The following ATAD3C variants were observed in gnomAD, a reference collection of about 807,000 sequenced individuals.
ATAD3C encodes the protein ATPase family AAA domain containing 3C.
In ATAD3C, 38 loss-of-function variants were observed where a neutral mutation model predicts 46.3. That is an observed-to-expected ratio of 0.82 (90% CI 0.63 to 1.08). The LOEUF is 1.08. Ranked by LOEUF, ATAD3C falls within the 50% of genes least tolerant of loss-of-function variation. The pLI, the probability that ATAD3C is intolerant of heterozygous loss-of-function variation, is 0.00. For synonymous variants in ATAD3C, 220 were observed against 236.4 expected, an observed-to-expected ratio of 0.93 and a Z score of 0.63; for missense variants, 563 against 572.7, an observed-to-expected ratio of 0.98 and a Z score of 0.17.
At chr1:1,454,561 A>T (rs1217856633) in intron 4 of ATAD3C, 61 bp downstream of exon 4, 5 of 1,562,742 alleles carry the variant, frequency 3.2e-6, no homozygotes, top group Non-Finnish European at 4.3e-6. Flanking sequence ...CTTCTGCCCC[A>T]CGAGCACAGC....
Position 1,455,476 on chromosome 1 carries a change from T to A in ATAD3C, c.395T>A (p.Leu132His). 1 of 1,612,536 alleles carries A rather than the reference T, an allele frequency of 6.2e-7. No homozygotes were observed. The highest frequency in any genetic ancestry group is 1.1e-5 in the South Asian group (1 of 90,930). The change falls in exon 5 of 12, where the codon CTC becomes CAC. Residue 132 changes from leucine (L) to histidine (H), a missense_variant. By Grantham distance (99) the Leu-to-His change is moderately conservative (BLOSUM62 -3). This residue lies in a region of ATAD3C where 263 missense variants were observed against 243.1 expected (regional missense o/e 1.08). Coordinates refer to ENST00000378785, the MANE Select transcript of ATAD3C (RefSeq NM_001039211.3). Reference sequence around the variant, plus strand: ...CCCCTCCAGCAGGTCAGCCGGCGGCTCCTCAGTCGACCCCAGGACGTGCTG... The same window carrying A: ...CCCCTCCAGCAGGTCAGCCGGCGGCACCTCAGTCGACCCCAGGACGTGCTG... ...RHPIQQVSRR[L>H]LSRPQDVLEG...
At position 1,459,518 on chromosome 1, in the gene ATAD3C, G is replaced by A. The variant is rs574149418; in HGVS notation, c.812+287G>A. Among the ~76,000 whole-genome samples the A allele has an allele frequency of 0.012, 1,816 of 151,888 alleles. 48 individuals are homozygous for A. Among genetic ancestry groups the A allele is most frequent in the African/African-American group, 0.042 (1,731 of 41,330 alleles). ...GGTCCCTCTGCCCCTAGGTTTCTGC[G>A]GTCCTGTGCCTGCAAGGGAGGTGGT... On this transcript the variant is annotated intron_variant, in intron 9 of 11. Coordinates refer to ENST00000378785, the MANE Select transcript of ATAD3C (RefSeq NM_001039211.3). The surrounding 1 kb of genome is among the most constrained non-coding windows in gnomAD (Gnocchi z 4.9).
At chr1:1,465,020 G>T (rs1275341333) in intron 11 of ATAD3C, among the ~76,000 whole-genome samples, 1 of 151,218 alleles carries the variant, frequency 6.6e-6, no homozygotes, top group Non-Finnish European at 1.5e-5. Context: ...TGAGTAGCTG[G>T]GATTACAGGC....
At chr1:1,461,820 A>G (rs988257464) in intron 10 of ATAD3C, among the ~76,000 whole-genome samples, 4 of 152,042 alleles carry the variant, frequency 2.6e-5, no homozygotes, top group Non-Finnish European at 5.9e-5. Context: ...GCCTCCCTGC[A>G]GCTGCCACAC....
rs1430855326 is a variant in ATAD3C, at chr1:1,468,504, C to A, written c.1210C>A (p.Pro404Thr). Residue 404 changes from proline to threonine, a missense_variant, in exon 12 of 12, where the codon CCC (proline) becomes ACC (threonine). Pro to Thr is a conservative substitution (Grantham distance 38, BLOSUM62 -1). Coordinates refer to ENST00000378785, the MANE Select transcript of ATAD3C (RefSeq NM_001039211.3). ...CTGGCTGAAGGGGGAGAGGCCTGGG[C>A]CCGAGGACGAGCAACCCTCATCCTG... ...MRWLKGERPG[P>T]EDEQPSS The A allele has an allele frequency of 1.9e-6, 3 of 1,609,122 alleles. No individual in the cohort carries two copies. In the South Asian group the frequency reaches 3.3e-5, roughly 18 times the overall value.
Position 1,460,604 on chromosome 1 carries a change from G to A in ATAD3C, c.813-146G>A, listed in dbSNP as rs577701764. 375 of 1,375,584 alleles carry A rather than the reference G, an allele frequency of 2.7e-4. 4 individuals are homozygous for A. In the East Asian group the frequency reaches 8.8e-3, roughly 32 times the overall value. 85.2% of individuals were successfully genotyped at this position (1,375,584 alleles called of 1,614,324 possible). ...CAGGCGGGTGACCATGGCTGTGGCTGCGTTCTCCCCATGTTTCCTGTGCTC... is the reference window on the plus strand; with the variant it reads ...CAGGCGGGTGACCATGGCTGTGGCTACGTTCTCCCCATGTTTCCTGTGCTC... On this transcript the variant is annotated intron_variant, in intron 9 of 11. Coordinates refer to ENST00000378785, the MANE Select transcript of ATAD3C (RefSeq NM_001039211.3).
chr1:1,455,737 C>T lies in ATAD3C; in HGVS notation c.439-54C>T, dbSNP rs578249055. ...CAGGCATTCTCGCAGCCCCTGCCCC[C>T]GAGGCTTCTGTGGGTGCAGACTGTG... On this transcript the variant is annotated intron_variant, in intron 5 of 11. Coordinates refer to ENST00000378785, the MANE Select transcript of ATAD3C (RefSeq NM_001039211.3). 1.1e-4 allele frequency: 174 copies of T among 1,606,874 alleles called. 1 individual carries two copies. Among genetic ancestry groups the T allele is most frequent in the African/African-American group, 2.5e-4 (19 of 74,740 alleles).
In ATAD3C at chr1:1,459,258, C is replaced by G. The variant is rs770541714; in HGVS notation, c.812+27C>G. On this transcript the variant is annotated intron_variant, in intron 9 of 11. Transcript: ENST00000378785. The surrounding 1 kb of genome is among the most constrained non-coding windows in gnomAD (Gnocchi z 4.9). ...TGAGGGAGCCCCTCGGGTCCTGGGC[C>G]CCCGGGCAGGGCTGTGCAGCCGTCA... 6.2e-7 allele frequency: 1 copy of G among 1,610,696 alleles called. No homozygotes were observed. The highest frequency in any genetic ancestry group is 8.5e-7 in the Non-Finnish European group (1 of 1,179,662).
In ATAD3C at chr1:1,460,741, G is replaced by A. The variant is rs542904557; in HGVS notation, c.813-9G>A. ...CCCCAGCGTTTCCTTCCCCATCCCCGCCCCGCAGATTCATGCTGATCCTGG... is the reference window on the plus strand; with the variant it reads ...CCCCAGCGTTTCCTTCCCCATCCCCACCCCGCAGATTCATGCTGATCCTGG... On this transcript the variant is annotated splice_polypyrimidine_tract_variant and intron_variant, in intron 9 of 11. Transcript: ENST00000378785. 56 of 1,595,276 alleles carry A rather than the reference G, an allele frequency of 3.5e-5. 3 individuals carry two copies. In the Admixed American group the frequency reaches 6.3e-4, roughly 18 times the overall value.
chr1:1,459,731 C>G lies in ATAD3C; in HGVS notation c.812+500C>G, dbSNP rs901262611. Among the ~76,000 whole-genome samples, 4 of 151,980 alleles carry G rather than the reference C, an allele frequency of 2.6e-5. No individual in the cohort carries two copies. Among genetic ancestry groups the G allele is most frequent in the Admixed American group, 2.6e-4 (4 of 15,242 alleles). On this transcript the variant is annotated intron_variant, in intron 9 of 11. Coordinates refer to ENST00000378785, the MANE Select transcript of ATAD3C (RefSeq NM_001039211.3). The surrounding 1 kb of genome is among the most constrained non-coding windows in gnomAD (Gnocchi z 4.9). ...TGCACCCTCCAGGCTTGGGGCCCAC[C>G]CGACTTTGTGTGGCCTCTGTGGGCT...
rs1331629886 is a variant in ATAD3C, at chr1:1,457,623, A to C, written c.741+443A>C. ...AAAAAAAAAAAAAAAAACAAAAAAA[A>C]CAGCATTTTTTTAGGTCAGCTTAAA... is the stretch of plus-strand genomic sequence containing the variant. On this transcript the variant is annotated intron_variant, in intron 8 of 11. Coordinates refer to ENST00000378785, the MANE Select transcript of ATAD3C (RefSeq NM_001039211.3). 2.1e-4 allele frequency among the ~76,000 whole-genome samples: 32 copies of C among 149,932 alleles called. 2 individuals carry two copies. Among genetic ancestry groups the C allele is most frequent in the Admixed American group, 1.2e-3 (18 of 14,954 alleles).
At chr1:1,452,543 C>T (rs1638881428) in intron 3 of ATAD3C, 109 bp downstream of exon 3, 2 of 1,554,356 alleles carry the variant, frequency 1.3e-6, no homozygotes, top group Non-Finnish European at 1.8e-6. Flanking sequence ...TCCTGGCGCT[C>T]TCCCAGCATG....
In ATAD3C at chr1:1,459,244, C is replaced by T. The variant is rs527258865; in HGVS notation, c.812+13C>T. 1.9e-6 allele frequency: 3 copies of T among 1,612,016 alleles called. No individual in the cohort carries two copies. The highest frequency in any genetic ancestry group is 2.5e-6 in the Non-Finnish European group (3 of 1,179,678). On this transcript the variant is annotated intron_variant, in intron 9 of 11. Transcript: ENST00000378785. This position sits in a 1 kb window ranked among gnomAD's most constrained non-coding sequence, Gnocchi z 4.9. ...AGCACAGCAACAAGTGAGGGAGCCC[C>T]TCGGGTCCTGGGCCCCCGGGCAGGG...
chr1:1,453,328 G>C lies in ATAD3C; in HGVS notation c.222+894G>C, dbSNP rs182181900. ...AGCGATTCTCTTGCCTCAGCCTCTC[G>C]TGTTGCCAGGATTACAGGTGCAGGT... On this transcript the variant is annotated intron_variant, in intron 3 of 11. Transcript: ENST00000378785. 8.7e-4 allele frequency among the ~76,000 whole-genome samples: 132 copies of C among 151,734 alleles called. 1 individual carries two copies. Among genetic ancestry groups the C allele is most frequent in the Admixed American group, 2.1e-3 (32 of 15,238 alleles).
chr1:1,457,628 A>AT (rs1213478994), intron 8 of ATAD3C, among the ~76,000 whole-genome samples: 5 of 146,184 alleles, frequency 3.4e-5, no homozygotes, highest in East Asian at 4.1e-4. Flanking sequence ...AAAAAACAGC[A>AT]TTTTTTTAGG....
intron 9 of ATAD3C, among the ~76,000 whole-genome samples, chr1:1,460,059 G>T (rs984190497): frequency 1.3e-5 from 2 of 150,052 alleles, no homozygotes; most frequent in Non-Finnish European, 3.0e-5. Context: ...CTCCTGGCTC[G>T]CGTGGCAGTA....
At chr1:1,464,803 T>C (rs1418700091) in intron 11 of ATAD3C, among the ~76,000 whole-genome samples, 1 of 152,032 alleles carries the variant, frequency 6.6e-6, no homozygotes, top group African/African-American at 2.4e-5. Context: ...TTTCCTATTT[T>C]TGTAAAACAT....
Position 1,462,566 on chromosome 1 carries a change from C to T in ATAD3C, c.981-34C>T. 6.4e-7 allele frequency: 1 copy of T among 1,552,544 alleles called. No homozygotes were observed. Among genetic ancestry groups the T allele is most frequent in the African/African-American group, 1.4e-5 (1 of 74,070 alleles). ...CCACCTCGTGGTGTGGGAGCTGCTG[C>T]CTTGGCCGGCCCACTTGGGAACTCC... On this transcript the variant is annotated intron_variant, in intron 10 of 11. Transcript: ENST00000378785. The surrounding 1 kb of genome is among the most constrained non-coding windows in gnomAD (Gnocchi z 4.5).
chr1:1,460,830 T>G lies in ATAD3C; in HGVS notation c.893T>G (p.Phe298Cys), dbSNP rs375175250. 3.7e-6 allele frequency: 6 copies of G among 1,612,954 alleles called. No individual in the cohort carries two copies. In the East Asian group the frequency reaches 1.1e-4, roughly 30 times the overall value. Residue 298 changes from phenylalanine (F) to cysteine (C), a missense_variant, in exon 10 of 12, where the codon TTC becomes TGC. Physicochemically the swap from Phe to Cys is radical, Grantham distance 205 (BLOSUM62 -2). Around this residue, in one of 3 missense-constraint regions of ATAD3C, gnomAD observed 273 missense variants for 253.5 expected, o/e 1.08. Transcript: ENST00000378785. ...INACIDVMVH[F>C]DLPGQEERAR... The stretch of plus-strand genomic sequence containing the variant: ...GCCTGCATCGACGTGATGGTCCACT[T>G]CGACCTGCCAGGGCAGGAGGAGCGG...
Sources: allele counts gnomAD v4.1 joint callset (sites outside exome capture counted in the v4.1 genomes callset), GRCh38; gene constraint gnomAD v4.1.1; regional missense constraint gnomAD v4.1.1; non-coding constraint Gnocchi (gnomAD v3.1); transcripts MANE v1.5; gene names NCBI Gene and HGNC (gene_info 2026-07-23, HGNC 2026-07-21).